The following ADARB2 variants were observed in gnomAD, a reference collection of about 807,000 sequenced individuals.
ADARB2 encodes the protein adenosine deaminase RNA specific B2 (inactive).
Under a neutral mutation model 62.2 loss-of-function variants are expected in ADARB2, and 25 were observed. The ratio of observed to expected loss-of-function variants is 0.40; its 90% confidence interval spans 0.29 to 0.56. ADARB2 has a LOEUF of 0.56. ADARB2 is among the 20% of genes least tolerant of loss of function. The probability of loss-of-function intolerance (pLI) is 0.43; values close to 1 mark genes in which losing one functional copy is unlikely to be tolerated. For missense variants in ADARB2, 1,071 were observed against 1,077.4 expected (o/e 0.99, Z 0.08); for synonymous variants, 572 against 500.8 (o/e 1.14, Z -1.90).
intron 8 of ADARB2, among the ~76,000 whole-genome samples, chr10:1,185,759 C>T (rs879432968): frequency 2.0e-5 from 3 of 152,216 alleles, no homozygotes; most frequent in Non-Finnish European, 2.9e-5. Context: ...CCAGAGAGAG[C>T]CGGCATCTTC....
chr10:1,375,923 T>G (rs1360273774), intron 2 of ADARB2, among the ~76,000 whole-genome samples: 1 of 141,208 alleles, frequency 7.1e-6, no homozygotes, highest in Non-Finnish European at 1.5e-5. Context: ...TTGCCACACA[T>G]GCACACACGT....
intron 3 of ADARB2, among the ~76,000 whole-genome samples, chr10:1,297,349 C>T (rs1390696279): frequency 6.6e-6 from 1 of 152,186 alleles, no homozygotes; most frequent in Non-Finnish European, 1.5e-5. Context: ...TAGCTCAAAG[C>T]TTGCCAGAGC....
intron 3 of ADARB2, among the ~76,000 whole-genome samples, chr10:1,343,241 C>T (rs111893929): frequency 6.6e-6 from 1 of 152,060 alleles, no homozygotes; most frequent in Non-Finnish European, 1.5e-5. Context: ...GACATCCATG[C>T]AGTCAATAAG....
chr10:1,610,048 AT>A (rs34034912), intron 1 of ADARB2, among the ~76,000 whole-genome samples: 26,308 of 150,052 alleles, frequency 0.18, 2,451 homozygotes, highest in Non-Finnish European at 0.21. Context: ...GGATTGCTGC[AT>A]TTTTTTTTTT....
intron 1 of ADARB2, among the ~76,000 whole-genome samples, chr10:1,545,038 G>A (rs1317013588): frequency 6.6e-6 from 1 of 150,622 alleles, no homozygotes; most frequent in Non-Finnish European, 1.5e-5. Flanking sequence ...GGTAGGCTTG[G>A]TGAACTGACT....
At chr10:1,510,129 T>TTTCTTTCTTTC in intron 1 of ADARB2, among the ~76,000 whole-genome samples, 1 of 135,616 alleles carries the variant, frequency 7.4e-6, no homozygotes, top group African/African-American at 3.0e-5. Context: ...TCTTTCTTTC[T>TTTCTTTCTTTC]TTCTTTCTTT....
At chr10:1,721,334 C>T (rs770521564) in intron 1 of ADARB2, among the ~76,000 whole-genome samples, 6 of 152,204 alleles carry the variant, frequency 3.9e-5, no homozygotes, top group Non-Finnish European at 8.8e-5. Context: ...CGAATGTTGA[C>T]GTTGACATAA....
chr10:1,539,234 C>T (rs1832378472), intron 1 of ADARB2, among the ~76,000 whole-genome samples: 1 of 152,180 alleles, frequency 6.6e-6, no homozygotes, highest in Non-Finnish European at 1.5e-5. Context: ...CCTTGTCTCT[C>T]GTTTATTTAT....
chr10:1,362,547 T>C (rs1471914638), intron 3 of ADARB2, among the ~76,000 whole-genome samples: 1 of 151,952 alleles, frequency 6.6e-6, no homozygotes, highest in Non-Finnish European at 1.5e-5. Flanking sequence ...AGCTCCCCAC[T>C]CTCGCTCCGG....
chr10:1,319,910 A>G (rs180878062), intron 3 of ADARB2, among the ~76,000 whole-genome samples: 92 of 152,340 alleles, frequency 6.0e-4, no homozygotes, highest in African/African-American at 2.0e-3. Flanking sequence ...TACTGGACCA[A>G]TATGTGTAAA....
chr10:1,313,824 GGTT>G (rs1831713685), intron 3 of ADARB2, among the ~76,000 whole-genome samples: 1 of 152,232 alleles, frequency 6.6e-6, no homozygotes, highest in Non-Finnish European at 1.5e-5. Context: ...TTCCTTCTGA[GGTT>G]GTATGGACTC....
At chr10:1,528,682 G>T (rs1465763016) in intron 1 of ADARB2, among the ~76,000 whole-genome samples, 1 of 152,218 alleles carries the variant, frequency 6.6e-6, no homozygotes, top group Non-Finnish European at 1.5e-5. Flanking sequence ...GGGTGAGAAA[G>T]CCCTTTCCTG....
intron 1 of ADARB2, among the ~76,000 whole-genome samples, chr10:1,433,525 G>T (rs940840459): frequency 6.6e-6 from 1 of 152,166 alleles, no homozygotes; most frequent in Non-Finnish European, 1.5e-5. Context: ...TCCCAGATGC[G>T]GACGTTCAGG....
chr10:1,358,567 C>T (rs182205282), intron 3 of ADARB2, among the ~76,000 whole-genome samples: 6 of 152,238 alleles, frequency 3.9e-5, no homozygotes, highest in African/African-American at 1.2e-4. Flanking sequence ...CAAGTCTTTA[C>T]GCAAATATAA....
chr10:1,589,401 G>A (rs904640971), intron 1 of ADARB2, among the ~76,000 whole-genome samples: 1 of 152,006 alleles, frequency 6.6e-6, no homozygotes, highest in Admixed American at 6.5e-5. Context: ...AGGCATCCAC[G>A]GAGGGGCGTC....
intron 3 of ADARB2, among the ~76,000 whole-genome samples, chr10:1,347,871 G>C (rs1832094653): frequency 6.6e-6 from 1 of 152,144 alleles, no homozygotes; most frequent in South Asian, 2.1e-4. Flanking sequence ...GTAAGAGATG[G>C]AGGGAGGTAG....
intron 1 of ADARB2, among the ~76,000 whole-genome samples, chr10:1,572,054 G>C (rs1181438365): frequency 1.4e-5 from 2 of 143,180 alleles, no homozygotes; most frequent in East Asian, 4.3e-4. Flanking sequence ...TGAGTGGACA[G>C]GGGAGTGTGC....
intron 1 of ADARB2, among the ~76,000 whole-genome samples, chr10:1,500,102 G>A (rs1285093054): frequency 2.6e-5 from 4 of 152,212 alleles, no homozygotes; most frequent in African/African-American, 9.7e-5. Flanking sequence ...AGAAAAGCTA[G>A]ATTCAAGAGT....
intron 1 of ADARB2, among the ~76,000 whole-genome samples, chr10:1,431,530 A>G (rs1442989997): frequency 6.6e-6 from 1 of 152,208 alleles, no homozygotes; most frequent in Non-Finnish European, 1.5e-5. Context: ...TCTCAAATCA[A>G]TGGTGCAAGT....
Sources: allele counts gnomAD v4.1 joint callset (sites outside exome capture counted in the v4.1 genomes callset), GRCh38; gene constraint gnomAD v4.1.1; transcripts MANE v1.5; gene names NCBI Gene and HGNC (gene_info 2026-07-23, HGNC 2026-07-21).